The following PTCHD4 variants were observed in gnomAD, a reference collection of about 807,000 sequenced individuals.
The protein encoded by PTCHD4 is patched domain-containing protein 4.
A neutral mutation model predicts 58.1 loss-of-function variants in PTCHD4; 33 were observed. That is an observed-to-expected ratio of 0.57 (90% CI 0.43 to 0.76). PTCHD4 has a LOEUF of 0.76. PTCHD4 is among the 30% of genes least tolerant of loss of function. The pLI, the probability that PTCHD4 is intolerant of heterozygous loss-of-function variation, is 0.00. For missense variants in PTCHD4, 1,058 were observed against 1,027.1 expected (o/e 1.03, Z -0.41); for synonymous variants, 478 against 409.6 (o/e 1.17, Z -2.02).
chr6:48,033,735 T>A (rs917382286), intron 3 of PTCHD4, among the ~76,000 whole-genome samples: 1 of 152,064 alleles, frequency 6.6e-6, no homozygotes, highest in Non-Finnish European at 1.5e-5. Flanking sequence ...TTTTTCTTCA[T>A]GTCAAAAGGG....
At chr6:47,923,340 T>A (rs113251814) in intron 4 of PTCHD4, among the ~76,000 whole-genome samples, 1 of 152,284 alleles carries the variant, frequency 6.6e-6, no homozygotes, top group East Asian at 1.9e-4. Context: ...CTATATTTCA[T>A]TGGGAATTCT....
intron 4 of PTCHD4, among the ~76,000 whole-genome samples, chr6:47,988,556 G>A (rs1044328257): frequency 7.2e-5 from 11 of 152,150 alleles, no homozygotes; most frequent in Non-Finnish European, 1.5e-4. Flanking sequence ...TAATTCCCAT[G>A]TATTGTGGGA....
At chr6:47,978,863 T>C (rs1213046379) in intron 4 of PTCHD4, among the ~76,000 whole-genome samples, 2 of 152,144 alleles carry the variant, frequency 1.3e-5, no homozygotes, top group African/African-American at 4.8e-5. Context: ...TCATCCTCTG[T>C]TCCTTGTGTT....
intron 4 of PTCHD4, among the ~76,000 whole-genome samples, chr6:47,999,959 C>T (rs1056674768): frequency 2.6e-5 from 4 of 152,134 alleles, no homozygotes; most frequent in African/African-American, 9.7e-5. Flanking sequence ...AATCCATTTG[C>T]CCATCTGTGT....
intron 4 of PTCHD4, among the ~76,000 whole-genome samples, chr6:47,891,718 T>A (rs1394882897): frequency 6.6e-6 from 1 of 152,178 alleles, no homozygotes; most frequent in Non-Finnish European, 1.5e-5. Context: ...TCCATTTTAA[T>A]ACCTTCTTCC....
chr6:48,048,533 T>C (rs1266817510), intron 3 of PTCHD4, among the ~76,000 whole-genome samples: 1 of 151,852 alleles, frequency 6.6e-6, no homozygotes, highest in African/African-American at 2.4e-5. Context: ...AGTTAGCAAA[T>C]AACATTTTTT....
intron 1 of PTCHD4, among the ~76,000 whole-genome samples, chr6:48,071,027 G>A (rs1312052067): frequency 1.3e-5 from 2 of 152,172 alleles, no homozygotes; most frequent in African/African-American, 2.4e-5. Flanking sequence ...TATAAGTAAG[G>A]ACACTAGAAA....
chr6:47,864,623 C>A lies in PTCHD4; in HGVS notation c.*13680G>T, dbSNP rs555799770. ...ATGGCACTGTGGCTCCAAGTTCCAA[C>A]TCTTTTACATTTTCTCAAGTTGTTA... On this transcript the variant is annotated 3_prime_UTR_variant, in exon 5 of 5. Coordinates refer to ENST00000339488, the MANE Select transcript of PTCHD4 (RefSeq NM_001384253.1). 6.6e-6 allele frequency among the ~76,000 whole-genome samples: 1 copy of A among 151,862 alleles called. No individual in the cohort carries two copies. The highest frequency in any genetic ancestry group is 1.5e-5 in the Non-Finnish European group (1 of 67,886).
chr6:47,936,224 G>T (rs1038146497), intron 4 of PTCHD4, among the ~76,000 whole-genome samples: 2 of 152,196 alleles, frequency 1.3e-5, no homozygotes, highest in Non-Finnish European at 2.9e-5. Context: ...GTTGGTGGAC[G>T]TGATGAGAAT....
intron 4 of PTCHD4, among the ~76,000 whole-genome samples, chr6:47,944,670 A>G (rs537481505): frequency 2.6e-5 from 4 of 152,220 alleles, no homozygotes; most frequent in Non-Finnish European, 5.9e-5. Flanking sequence ...AATAGTCATC[A>G]TGTTATTCTT....
intron 4 of PTCHD4, among the ~76,000 whole-genome samples, chr6:47,993,272 C>A (rs1768348672): frequency 6.6e-6 from 1 of 152,078 alleles, no homozygotes; most frequent in African/African-American, 2.4e-5. Context: ...TTAATGCCAG[C>A]CTCCGATTTT....
intron 4 of PTCHD4, among the ~76,000 whole-genome samples, chr6:47,890,314 T>C (rs1764338095): frequency 6.6e-6 from 1 of 151,916 alleles, no homozygotes; most frequent in Admixed American, 6.6e-5. Flanking sequence ...GCAGTCAAGA[T>C]TTTCATACTC....
rs192881453 is a variant in PTCHD4 at position 47,906,439 on chromosome 6, C to G, written c.899-26503G>C. Among the ~76,000 whole-genome samples, 78 of 152,128 alleles carry G rather than the reference C, an allele frequency of 5.1e-4. No individual in the cohort carries two copies. The East Asian group carries it at 0.014, about 27-fold the overall frequency. On this transcript the variant is annotated intron_variant, in intron 4 of 4. Coordinates refer to ENST00000339488, the MANE Select transcript of PTCHD4 (RefSeq NM_001384253.1). The stretch of plus-strand genomic sequence containing the variant: ...CATGAGACATATTGCAAACTTTACT[C>G]GCATTCAAGAGATGGAGCCTGGTGT...
At chr6:47,925,181 A>ATGTGTGTG (rs144217387) in intron 4 of PTCHD4, among the ~76,000 whole-genome samples, 3 of 146,912 alleles carry the variant, frequency 2.0e-5, no homozygotes, top group Middle Eastern at 3.5e-3. Flanking sequence ...TATTATATAT[A>ATGTGTGTG]TGTGTGTGTG....
rs555145150 is a variant in PTCHD4, at chr6:47,869,655, C to T, written c.*8648G>A. ...TTTGCTTCAGAATGCTTTATCTTAACCACGGAGAGATAATTGATATATATC... is the reference window on the plus strand; with the variant it reads ...TTTGCTTCAGAATGCTTTATCTTAATCACGGAGAGATAATTGATATATATC... On this transcript the variant is annotated 3_prime_UTR_variant, in exon 5 of 5. Coordinates refer to ENST00000339488, the MANE Select transcript of PTCHD4 (RefSeq NM_001384253.1). Among the ~76,000 whole-genome samples the T allele has an allele frequency of 1.5e-3, 232 of 151,554 alleles. No homozygotes were observed. Among genetic ancestry groups the T allele is most frequent in the Non-Finnish European group, 2.4e-3 (161 of 67,704 alleles).
At chr6:47,952,884 T>G (rs1298845972) in intron 4 of PTCHD4, among the ~76,000 whole-genome samples, 1 of 152,004 alleles carries the variant, frequency 6.6e-6, no homozygotes, top group Non-Finnish European at 1.5e-5. Context: ...CATATGACTG[T>G]ATATAGTATA....
intron 4 of PTCHD4, chr6:47,902,078 C>G (rs1194072138): frequency 2.4e-6 from 1 of 416,656 alleles, no homozygotes; most frequent in African/African-American, 2.1e-5. Context: ...CACATAATAA[C>G]CTGTCTGATT....
intron 3 of PTCHD4, among the ~76,000 whole-genome samples, chr6:48,061,833 C>A (rs1479275257): frequency 6.6e-6 from 1 of 152,208 alleles, no homozygotes; most frequent in Non-Finnish European, 1.5e-5. Flanking sequence ...GGCAGAAACA[C>A]TCTAGAGAAA....
intron 4 of PTCHD4, among the ~76,000 whole-genome samples, chr6:47,953,884 T>A (rs1297358664): frequency 2.6e-5 from 4 of 152,190 alleles, no homozygotes; most frequent in Non-Finnish European, 5.9e-5. Context: ...CTTCTGAATG[T>A]GCAATTTTTT....
Sources: gnomAD v4.1 joint callset for allele counts (sites outside exome capture counted in the v4.1 genomes callset) on GRCh38, gnomAD v4.1.1 for gene constraint, MANE v1.5 for transcripts, NCBI Gene and HGNC (gene_info 2026-07-23, HGNC 2026-07-21) for gene names.